The following GCN1 variants were observed in gnomAD, a reference collection of about 807,000 sequenced individuals.
GCN1 encodes the protein stalled ribosome sensor GCN1.
In GCN1, 90 loss-of-function variants were observed where a neutral mutation model predicts 288.4. The observed-to-expected ratio is 0.31, with a 90% CI of 0.26 to 0.37. The LOEUF (loss-of-function observed/expected upper bound fraction) is 0.37. Ranked by LOEUF, GCN1 falls within the 10% of genes least tolerant of loss-of-function variation. The pLI is 1.00. For missense variants in GCN1, 2,586 were observed against 3,419.9 expected (o/e 0.76, Z 6.08); for synonymous variants, 1,386 against 1,420.2 (o/e 0.98, Z 0.54).
At position 120,129,337 on chromosome 12, in the gene GCN1, GC is replaced by G; in HGVS notation, c.7828del (p.Ala2610ProfsTer35). Reference protein sequence around the residue: ...NTKDKNTVVRAYSDQAIVNLL... With the variant: ...NTKDKNTVVRXYSDQAIVNLL... The stretch of plus-strand genomic sequence containing the variant: ...GTTGACAATTGCCTGGTCGCTGTAG[GC>G]CCTGACCACGGTGTTCTTATCCTTG... On this transcript the variant is annotated frameshift_variant, in exon 57 of 58. Transcript: ENST00000300648. LOFTEE classifies it high-confidence loss of function. 6.2e-7 allele frequency: 1 copy of G among 1,614,120 alleles called. No homozygotes were observed. The highest frequency in any genetic ancestry group is 8.5e-7 in the Non-Finnish European group (1 of 1,180,026).
At chr12:120,194,158 A>G (rs1879094029) in intron 1 of GCN1, among the ~76,000 whole-genome samples, 1 of 152,228 alleles carries the variant, frequency 6.6e-6, no homozygotes, top group African/African-American at 2.4e-5. Context: ...TTTTAACTTC[A>G]TTTTATAGAT....
rs374519389 is a variant in GCN1 at position 120,140,961 on chromosome 12, G to A, written c.5892C>T (p.Ile1964=). 7 of 1,613,860 alleles carry A rather than the reference G, an allele frequency of 4.3e-6. No homozygotes were observed. In the African/African-American group the frequency reaches 5.3e-5, roughly 12 times the overall value. Residue 1964 remains isoleucine (I), a synonymous_variant, in exon 45 of 58, where the codon ATC becomes ATT. Coordinates refer to ENST00000300648, the MANE Select transcript of GCN1 (RefSeq NM_006836.2). ...RKLGEKILPE[I]IPILEEGLRS... is the part of the protein sequence containing the mutation. ...TCAGGCCTTCCTCAAGGATGGGGATGATCTCGGGGAGGATTTTCTCCCCTA... is the reference window on the plus strand; with the variant it reads ...TCAGGCCTTCCTCAAGGATGGGGATAATCTCGGGGAGGATTTTCTCCCCTA...
Position 120,145,034 on chromosome 12 carries a change from C to CA in GCN1, c.5043dup (p.Gly1682TrpfsTer13). ...TCCCCCATGCCCTTCACCATGGCCC[C>CA]AAGGGCCTTTGCAGATACGGTCCGC... is the stretch of plus-strand genomic sequence containing the variant. On this transcript the variant is annotated frameshift_variant, in exon 40 of 58. Coordinates refer to ENST00000300648, the MANE Select transcript of GCN1 (RefSeq NM_006836.2). LOFTEE classifies it high-confidence loss of function. 2 of 1,613,996 alleles carry CA rather than the reference C, an allele frequency of 1.2e-6. No individual in the cohort carries two copies. The highest frequency in any genetic ancestry group is 1.7e-6 in the Non-Finnish European group (2 of 1,179,984).
At chr12:120,165,037 A>ACAC (rs1878069558) in intron 16 of GCN1, among the ~76,000 whole-genome samples, 1 of 133,052 alleles carries the variant, frequency 7.5e-6, no homozygotes, top group African/African-American at 3.0e-5. Flanking sequence ...ACACACACAC[A>ACAC]TATATATATA....
Position 120,140,941 on chromosome 12 carries a change from C to A in GCN1, c.5912G>T (p.Gly1971Val). The change falls in exon 45 of 58, where the codon GGC becomes GTC. Residue 1971 changes from glycine (G) to valine (V), a missense_variant. Gly to Val is a moderately radical substitution (Grantham distance 109, BLOSUM62 -3). Transcript: ENST00000300648. Reference sequence around the variant, plus strand: ...CTCATCGCTCTTCTGAGACCTCAGGCCTTCCTCAAGGATGGGGATGATCTC... The same window carrying A: ...CTCATCGCTCTTCTGAGACCTCAGGACTTCCTCAAGGATGGGGATGATCTC... ...LPEIIPILEE[G>V]LRSQKSDERQ... is the part of the protein sequence containing the mutation. The A allele has an allele frequency of 1.9e-6, 3 of 1,614,016 alleles. No individual in the cohort carries two copies. The highest frequency in any genetic ancestry group is 1.1e-5 in the South Asian group (1 of 91,068).
chr12:120,170,436 T>C (rs1878279926), intron 14 of GCN1, 115 bp from the exon 15 acceptor site: 1 of 872,994 alleles, frequency 1.1e-6, no homozygotes, highest in Non-Finnish European at 1.8e-6. Flanking sequence ...TTCAGTTAAT[T>C]TTTCAAATAT....
chr12:120,146,943 G>C, intron 38 of GCN1, 109 bp downstream of exon 38: 1 of 576,836 alleles, frequency 1.7e-6, no homozygotes, highest in Non-Finnish European at 2.8e-6. Flanking sequence ...AAAATAATTA[G>C]GGACTAACGT....
At chr12:120,173,557 C>G (rs1461699391) in intron 14 of GCN1, 96 bp downstream of exon 14, 1 of 754,048 alleles carries the variant, frequency 1.3e-6, no homozygotes, top group African/African-American at 1.7e-5. Flanking sequence ...GCAAAATAAG[C>G]TGAACTAACA....
At chr12:120,140,144 TG>T (rs1486457044) in intron 45 of GCN1, among the ~76,000 whole-genome samples, 1 of 152,256 alleles carries the variant, frequency 6.6e-6, no homozygotes, top group Non-Finnish European at 1.5e-5. Context: ...AAGAGGGATC[TG>T]GTATCCTAGG....
chr12:120,177,612 A>C, intron 8 of GCN1, 57 bp from the exon 9 acceptor site: 1 of 1,549,874 alleles, frequency 6.5e-7, no homozygotes. Context: ...CAAGAAGCAA[A>C]AAAGAGTTCA....
Position 120,156,378 on chromosome 12 carries a change from A to T in GCN1, c.3312+83T>A. The stretch of plus-strand genomic sequence containing the variant: ...TAGGCCTCCCACCAGAGTGAGGGAC[A>T]TTCTCTCAAATGCCCATCATGCAAT... On this transcript the variant is annotated intron_variant, in intron 28 of 57. Transcript: ENST00000300648. This position sits in a 1 kb window ranked among gnomAD's most constrained non-coding sequence, Gnocchi z 5.8. The T allele has an allele frequency of 7.3e-7, 1 of 1,368,396 alleles. No individual in the cohort carries two copies. Among genetic ancestry groups the T allele is most frequent in the Non-Finnish European group, 1.0e-6 (1 of 975,240 alleles). The allele number at this position is 1,368,396 out of a possible 1,614,324, so 84.8% of individuals were successfully genotyped here.
rs566483763 is a variant in GCN1, at chr12:120,152,823, A to G, written c.4062+390T>C. ...GAGGGCCAGAAAAAGGCTTGACATA[A>G]GAGAAAGCCTGACCTTTTATTTTTT... On this transcript the variant is annotated intron_variant, in intron 33 of 57. Transcript: ENST00000300648. Among the ~76,000 whole-genome samples, 21 of 152,210 alleles carry G rather than the reference A, an allele frequency of 1.4e-4. 2 individuals carry two copies. In the South Asian group the frequency reaches 3.9e-3, roughly 29 times the overall value.
Position 120,183,697 on chromosome 12 carries a change from A to G in GCN1, c.318-20T>C, listed in dbSNP as rs777116105. The G allele has an allele frequency of 6.9e-7, 1 of 1,457,654 alleles. No homozygotes were observed. The allele number at this position is 1,457,654 out of a possible 1,614,324, so 90.3% of individuals were successfully genotyped here. A position where few individuals can be genotyped will look rare whatever the true frequency, so the allele number is the denominator to read the frequency against. On this transcript the variant is annotated intron_variant, in intron 4 of 57. Transcript: ENST00000300648. The stretch of plus-strand genomic sequence containing the variant: ...CTCTTACTGCAGAGCAGAGTTGGGG[A>G]TGAGTTCAGAGCAGCAGCCTCCACC...
chr12:120,172,326 T>A (rs573838169), intron 14 of GCN1, among the ~76,000 whole-genome samples: 79 of 152,350 alleles, frequency 5.2e-4, no homozygotes, highest in Non-Finnish European at 1.0e-3. Context: ...TGATCTATGA[T>A]TCTGAGCTGG....
chr12:120,164,270 C>A, intron 18 of GCN1, 66 bp downstream of exon 18: 1 of 1,445,890 alleles, frequency 6.9e-7, no homozygotes. Context: ...GCCAAAACCC[C>A]ACATCGTAAG....
chr12:120,140,005 A>T (rs1178552236), intron 45 of GCN1, among the ~76,000 whole-genome samples: 2 of 152,244 alleles, frequency 1.3e-5, no homozygotes, highest in Non-Finnish European at 2.9e-5. Flanking sequence ...TTTGCAGACA[A>T]GAACTCAGCC....
intron 2 of GCN1, among the ~76,000 whole-genome samples, chr12:120,185,758 G>A (rs1450725018): frequency 6.6e-6 from 1 of 152,002 alleles, no homozygotes; most frequent in Admixed American, 6.6e-5. Context: ...GCACCACCAC[G>A]CCCAGTTAAT....
chr12:120,162,833 C>T lies in GCN1; in HGVS notation c.2163+14G>A, dbSNP rs1360712454. 4 of 1,613,254 alleles carry T rather than the reference C, an allele frequency of 2.5e-6. No individual in the cohort carries two copies. Among genetic ancestry groups the T allele is most frequent in the Non-Finnish European group, 2.5e-6 (3 of 1,179,664 alleles). Reference sequence around the variant, plus strand: ...TCCCGGACCTGAGGCCAGACCAGCTCATGTGCCCGTCACCTGGTTTAGGGG... The same window carrying T: ...TCCCGGACCTGAGGCCAGACCAGCTTATGTGCCCGTCACCTGGTTTAGGGG... On this transcript the variant is annotated intron_variant, in intron 20 of 57. Coordinates refer to ENST00000300648, the MANE Select transcript of GCN1 (RefSeq NM_006836.2).
At chr12:120,154,453 C>A (rs761974160) in intron 31 of GCN1, among the ~76,000 whole-genome samples, 1 of 152,200 alleles carries the variant, frequency 6.6e-6, no homozygotes, top group Non-Finnish European at 1.5e-5. Context: ...AACACCCTTG[C>A]GTGTTTTGAG....
Sources: allele counts gnomAD v4.1 joint callset (sites outside exome capture counted in the v4.1 genomes callset), GRCh38; gene constraint gnomAD v4.1.1; non-coding constraint Gnocchi (gnomAD v3.1); transcripts MANE v1.5; gene names NCBI Gene and HGNC (gene_info 2026-07-23, HGNC 2026-07-21).